TENM4: variants seen among roughly 807,000 people sequenced by gnomAD.
TENM4 encodes teneurin-4.
Under a neutral mutation model 243.3 loss-of-function variants are expected in TENM4, and 82 were observed. The ratio of observed to expected loss-of-function variants is 0.34; its 90% CI spans 0.28 to 0.40. The LOEUF is 0.40. TENM4 is among the 10% of genes least tolerant of loss of function. The pLI is 1.00. For synonymous variants in TENM4, 1,412 were observed against 1,456.3 expected (o/e 0.97, Z 0.69); for missense variants, 3,138 against 3,673.3 (o/e 0.85, Z 3.77).
chr11:79,011,977 T>A (rs1858654723), intron 6 of TENM4, among the ~76,000 whole-genome samples: 1 of 152,126 alleles, frequency 6.6e-6, no homozygotes, highest in African/African-American at 2.4e-5. Flanking sequence ...ATTTCCCACC[T>A]CCACGCATCT....
chr11:78,814,545 G>C (rs866063551), intron 12 of TENM4, 150 bp from the exon 13 acceptor site: 1 of 667,718 alleles, frequency 1.5e-6, no homozygotes, highest in Middle Eastern at 2.4e-4. Context: ...AAAATTCTAT[G>C]TTATTTTTAC....
intron 2 of TENM4, among the ~76,000 whole-genome samples, chr11:79,226,853 A>G (rs555740153): frequency 6.6e-6 from 1 of 152,288 alleles, no homozygotes; most frequent in East Asian, 1.9e-4. Flanking sequence ...AAAGAGCAAG[A>G]GTTTTCTAGA....
chr11:79,098,851 A>G (rs1455843079), intron 4 of TENM4, among the ~76,000 whole-genome samples: 1 of 152,168 alleles, frequency 6.6e-6, no homozygotes, highest in Non-Finnish European at 1.5e-5. Flanking sequence ...TGCAGCTAGT[A>G]AGACCTGAAT....
intron 19 of TENM4, among the ~76,000 whole-genome samples, chr11:78,746,730 G>A (rs1304874563): frequency 2.0e-5 from 3 of 152,190 alleles, no homozygotes; most frequent in Admixed American, 6.5e-5. Context: ...CAGAAATACC[G>A]TCGTTGTGCC....
chr11:79,197,358 A>G (rs1004483341), intron 3 of TENM4, among the ~76,000 whole-genome samples: 10 of 146,712 alleles, frequency 6.8e-5, no homozygotes, highest in Non-Finnish European at 3.0e-5. Context: ...TTTTTTAAAA[A>G]GCCCCTGCTT....
intron 2 of TENM4, among the ~76,000 whole-genome samples, chr11:79,253,479 A>C (rs563499551): frequency 1.2e-4 from 19 of 152,358 alleles, no homozygotes; most frequent in African/African-American, 4.6e-4. Context: ...GATGATGTCA[A>C]GGATGTGACC....
chr11:79,046,657 C>T (rs1162254354), intron 6 of TENM4, among the ~76,000 whole-genome samples: 2 of 152,124 alleles, frequency 1.3e-5, no homozygotes, highest in Non-Finnish European at 2.9e-5. Context: ...GTGTCACAAT[C>T]CAGGCAGAGA....
intron 18 of TENM4, among the ~76,000 whole-genome samples, chr11:78,770,053 C>T (rs766242765): frequency 1.7e-4 from 26 of 152,222 alleles, no homozygotes; most frequent in Non-Finnish European, 3.8e-4. Context: ...GCCACATAGA[C>T]TTGTTGGGAC....
chr11:78,794,759 G>A (rs1857128115), intron 15 of TENM4, among the ~76,000 whole-genome samples: 1 of 152,224 alleles, frequency 6.6e-6, no homozygotes, highest in South Asian at 2.1e-4. Flanking sequence ...CACTGGGTAG[G>A]AAGTGGCCTG....
chr11:79,338,326 C>T (rs1268193589), intron 1 of TENM4, among the ~76,000 whole-genome samples: 1 of 152,226 alleles, frequency 6.6e-6, no homozygotes, highest in East Asian at 1.9e-4. Flanking sequence ...TTCCTTCTCC[C>T]TTGGGAATTG....
At chr11:79,101,210 ACT>A (rs1565204276) in intron 4 of TENM4, among the ~76,000 whole-genome samples, 1 of 152,204 alleles carries the variant, frequency 6.6e-6, no homozygotes, top group African/African-American at 2.4e-5. Context: ...TGTTATAAAC[ACT>A]CTCTGTAGAA....
At position 79,098,604 on chromosome 11, in the gene TENM4, A is replaced by G. The variant is rs796800754; in HGVS notation, c.-65-28595T>C. On this transcript the variant is annotated intron_variant, in intron 4 of 33. Transcript: ENST00000278550. ...CTCGAGTAACCGGGAGCTCATGCAC[A>G]CCTGTACGGAAGAAAAGCAGACAGA... Among the ~76,000 whole-genome samples the G allele has an allele frequency of 2.0e-5, 3 of 152,182 alleles. No individual in the cohort carries two copies. In the South Asian group the frequency reaches 6.2e-4, roughly 32 times the overall value.
At chr11:78,761,380 C>T (rs1856427580) in intron 18 of TENM4, among the ~76,000 whole-genome samples, 3 of 152,148 alleles carry the variant, frequency 2.0e-5, no homozygotes, top group African/African-American at 4.8e-5. Context: ...GCTGGGACTA[C>T]AGGCACCTGC....
intron 2 of TENM4, among the ~76,000 whole-genome samples, chr11:79,268,179 G>A (rs76650798): frequency 0.023 from 3,530 of 152,308 alleles, 148 homozygotes; most frequent in African/African-American, 0.079. Flanking sequence ...TACTACAGGA[G>A]TCAACAAACT....
chr11:78,721,683 A>C (rs1029776265), intron 24 of TENM4, among the ~76,000 whole-genome samples: 1 of 152,222 alleles, frequency 6.6e-6, no homozygotes, highest in Non-Finnish European at 1.5e-5. Flanking sequence ...GGAACCCAGC[A>C]AAAGTGAGTT....
chr11:79,010,899 C>G (rs1020676014), intron 6 of TENM4, among the ~76,000 whole-genome samples: 1 of 152,210 alleles, frequency 6.6e-6, no homozygotes, highest in Non-Finnish European at 1.5e-5. Context: ...AGAAAGAAGA[C>G]AGGCTTTAGA....
At chr11:79,114,908 G>T (rs1410959577) in intron 4 of TENM4, among the ~76,000 whole-genome samples, 1 of 152,208 alleles carries the variant, frequency 6.6e-6, no homozygotes, top group Non-Finnish European at 1.5e-5. Flanking sequence ...GGGATGCGAA[G>T]AGGCAGGGGA....
intron 9 of TENM4, among the ~76,000 whole-genome samples, chr11:78,875,658 A>C (rs1565418002): frequency 2.0e-5 from 3 of 152,196 alleles, no homozygotes; most frequent in Admixed American, 1.3e-4. Flanking sequence ...CTCTCACTAG[A>C]GATCTGGCTT....
At chr11:79,152,641 G>C (rs184672274) in intron 3 of TENM4, among the ~76,000 whole-genome samples, 1 of 152,316 alleles carries the variant, frequency 6.6e-6, no homozygotes, top group East Asian at 1.9e-4. Flanking sequence ...AAAACAAGGG[G>C]CTGGGAGCCA....
Sources: allele counts gnomAD v4.1 joint callset (sites outside exome capture counted in the v4.1 genomes callset), GRCh38; gene constraint gnomAD v4.1.1; transcripts MANE v1.5; gene names NCBI Gene and HGNC (gene_info 2026-07-23, HGNC 2026-07-21).